The following ARID1B variants were observed in gnomAD, a reference collection of about 807,000 sequenced individuals.
ARID1B encodes the protein AT-rich interactive domain-containing protein 1B.
ARID1B carries 30 observed loss-of-function variants against 212.3 expected under a neutral mutation model. The ratio of observed to expected loss-of-function variants is 0.14; its 90% CI spans 0.11 to 0.19. ARID1B has a LOEUF of 0.19. Among genes scored for constraint, ARID1B ranks in the 10% least tolerant of loss-of-function variants. ARID1B has a pLI of 1.00. For synonymous variants in ARID1B, 1,402 were observed against 1,301.7 expected, an observed-to-expected ratio of 1.08 and a Z score of -1.66; for missense variants, 2,891 against 3,204.0, an observed-to-expected ratio of 0.90 and a Z score of 2.36.
intron 3 of ARID1B, among the ~76,000 whole-genome samples, chr6:156,917,239 T>G (rs777385181): frequency 3.7e-4 from 57 of 152,204 alleles, no homozygotes; most frequent in Non-Finnish European, 6.9e-4. Context: ...CAAGTTGATA[T>G]AGTTGTTTCG....
intron 2 of ARID1B, among the ~76,000 whole-genome samples, chr6:156,868,358 A>C (rs998850246): frequency 1.3e-5 from 2 of 152,262 alleles, no homozygotes; most frequent in African/African-American, 4.8e-5. Flanking sequence ...TGTGATAAAG[A>C]AATGGCTTTA....
intron 1 of ARID1B, among the ~76,000 whole-genome samples, chr6:156,804,867 CAAAAAAAAAAA>C (rs61315445): frequency 1.2e-5 from 1 of 85,084 alleles, no homozygotes; most frequent in African/African-American, 4.3e-5. Context: ...ATCTGATTGG[CAAAAAAAAAAA>C]AAAAAAAAAA....
At chr6:156,957,545 T>G (rs1408931899) in intron 4 of ARID1B, among the ~76,000 whole-genome samples, 2 of 152,324 alleles carry the variant, frequency 1.3e-5, no homozygotes, top group East Asian at 3.9e-4. Flanking sequence ...CTTGGCATCT[T>G]TCTCATAGCC....
In ARID1B at chr6:156,877,020, G is replaced by A. The variant is rs549785217; in HGVS notation, c.1987-24356G>A. ...AGCGATTCTCCTGCCTCAGCCTCCC[G>A]GAAATTAAATATTAAGATTTCTATA... On this transcript the variant is annotated intron_variant, in intron 2 of 19. Coordinates refer to ENST00000636930, the MANE Select transcript of ARID1B (RefSeq NM_001374828.1). Among the ~76,000 whole-genome samples the A allele has an allele frequency of 2.5e-4, 38 of 151,992 alleles. No homozygotes were observed. In the South Asian group the frequency reaches 3.7e-3, roughly 15 times the overall value.
intron 4 of ARID1B, chr6:156,941,427 A>G (rs1252117838): frequency 6.6e-6 from 1 of 152,198 alleles, no homozygotes; most frequent in Non-Finnish European, 1.5e-5. Context: ...GGATTCATCA[A>G]GTTCTTGAAC....
At chr6:156,786,304 C>T (rs1225394093) in intron 1 of ARID1B, among the ~76,000 whole-genome samples, 1 of 152,030 alleles carries the variant, frequency 6.6e-6, no homozygotes, top group Non-Finnish European at 1.5e-5. Flanking sequence ...GTGTTCTCTG[C>T]CACCAAATTT....
intron 4 of ARID1B, among the ~76,000 whole-genome samples, chr6:157,060,591 T>C (rs1433914810): frequency 6.6e-6 from 1 of 151,786 alleles, no homozygotes; most frequent in Non-Finnish European, 1.5e-5. Flanking sequence ...TTTAAACTTA[T>C]TTTGAAAGCA....
At chr6:156,794,377 G>A (rs1780209735) in intron 1 of ARID1B, among the ~76,000 whole-genome samples, 1 of 151,934 alleles carries the variant, frequency 6.6e-6, no homozygotes, top group Non-Finnish European at 1.5e-5. Context: ...AGCCTCCTGA[G>A]TAGCTGGGAC....
At chr6:157,089,680 G>T (rs989776235) in intron 5 of ARID1B, among the ~76,000 whole-genome samples, 1 of 151,974 alleles carries the variant, frequency 6.6e-6, no homozygotes, top group African/African-American at 2.4e-5. Context: ...AAATTTTCTT[G>T]TTTTTTACCT....
chr6:156,834,962 C>T (rs1048514577), intron 2 of ARID1B, among the ~76,000 whole-genome samples: 6 of 152,092 alleles, frequency 3.9e-5, no homozygotes, highest in African/African-American at 1.4e-4. Context: ...GGGCCGGGCG[C>T]GGTGGCTCAC....
intron 2 of ARID1B, among the ~76,000 whole-genome samples, chr6:156,861,371 C>T (rs1251904279): frequency 6.6e-6 from 1 of 152,044 alleles, no homozygotes; most frequent in Non-Finnish European, 1.5e-5. Context: ...GAGGCTGATG[C>T]CGGTGAATTG....
chr6:156,894,608 G>A (rs909054736), intron 2 of ARID1B, among the ~76,000 whole-genome samples: 1 of 152,198 alleles, frequency 6.6e-6, no homozygotes, highest in Non-Finnish European at 1.5e-5. Flanking sequence ...ACTTGAATAC[G>A]TCTCTGATAA....
chr6:156,876,055 G>A (rs1299740308), intron 2 of ARID1B, among the ~76,000 whole-genome samples: 1 of 149,776 alleles, frequency 6.7e-6, no homozygotes. Context: ...TGCATACACT[G>A]TCCTTTTTGA....
chr6:156,906,399 T>C (rs1204786079), intron 3 of ARID1B, among the ~76,000 whole-genome samples: 1 of 151,448 alleles, frequency 6.6e-6, no homozygotes, highest in African/African-American at 2.4e-5. Flanking sequence ...AATACAAAAT[T>C]AGCTGGGCGT....
chr6:156,980,429 G>A (rs973569823), intron 4 of ARID1B, among the ~76,000 whole-genome samples: 3 of 152,120 alleles, frequency 2.0e-5, no homozygotes, highest in Non-Finnish European at 4.4e-5. Flanking sequence ...GTAGCAGTGA[G>A]CCGAGATCAT....
intron 1 of ARID1B, among the ~76,000 whole-genome samples, chr6:156,793,528 G>T (rs1398860145): frequency 1.3e-5 from 2 of 152,246 alleles, no homozygotes; most frequent in East Asian, 1.9e-4. Context: ...CAGAGATGGG[G>T]TCTCACTGTG....
chr6:157,032,410 T>C (rs1371579469), intron 4 of ARID1B, among the ~76,000 whole-genome samples: 1 of 152,182 alleles, frequency 6.6e-6, no homozygotes, highest in Non-Finnish European at 1.5e-5. Flanking sequence ...AATATATAAA[T>C]GGTAGATCAC....
chr6:157,004,890 C>CTTTTTTTTTTTTT (rs1779118895), intron 4 of ARID1B, among the ~76,000 whole-genome samples: 3 of 35,688 alleles, frequency 8.4e-5, no homozygotes, highest in African/African-American at 2.0e-4. Flanking sequence ...TTTTCTTCTT[C>CTTTTTTTTTTTTT]TTTTTTCTTT....
chr6:157,172,786 C>A (rs892386233), intron 9 of ARID1B: 1 of 151,896 alleles, frequency 6.6e-6, no homozygotes, highest in Non-Finnish European at 1.5e-5. Flanking sequence ...GGGCAATCTG[C>A]GGAGCCTTTT....
Sources: gnomAD v4.1 joint callset for allele counts (sites outside exome capture counted in the v4.1 genomes callset) on GRCh38, gnomAD v4.1.1 for gene constraint, MANE v1.5 for transcripts, NCBI Gene and HGNC (gene_info 2026-07-23, HGNC 2026-07-21) for gene names.